Variants in HDAC9 observed in about 807,000 individuals in gnomAD.
The protein encoded by HDAC9 is histone deacetylase 9.
HDAC9 carries 41 observed loss-of-function variants against 139.4 expected under a neutral mutation model. That is an observed-to-expected ratio of 0.29 (90% CI 0.23 to 0.38). The LOEUF (loss-of-function observed/expected upper bound fraction) is 0.38. HDAC9 is among the 10% of genes least tolerant of loss of function. The pLI is 1.00. For synonymous variants in HDAC9, 517 were observed against 476.2 expected (o/e 1.09, Z -1.12); for missense variants, 1,147 against 1,297.0 (o/e 0.88, Z 1.78).
intron 21 of HDAC9, among the ~76,000 whole-genome samples, chr7:18,837,717 C>G (rs576718104): frequency 1.3e-5 from 2 of 151,958 alleles, no homozygotes; most frequent in African/African-American, 4.8e-5. Context: ...CTTTGTTTTC[C>G]CATCACAAAG....
chr7:18,809,604 G>T (rs1000485614), intron 17 of HDAC9, among the ~76,000 whole-genome samples: 5 of 151,862 alleles, frequency 3.3e-5, no homozygotes, highest in Non-Finnish European at 5.9e-5. Context: ...CATATATCTG[G>T]CCAACAGATA....
chr7:18,820,066 T>G (rs1178852236), intron 17 of HDAC9, among the ~76,000 whole-genome samples: 5 of 152,172 alleles, frequency 3.3e-5, no homozygotes, highest in Non-Finnish European at 7.4e-5. Context: ...TATGAATATA[T>G]TCCCTTCAAA....
chr7:18,832,561 ATG>A (rs1200685222), intron 19 of HDAC9, among the ~76,000 whole-genome samples: 1 of 152,094 alleles, frequency 6.6e-6, no homozygotes, highest in Non-Finnish European at 1.5e-5. Flanking sequence ...GGGAGTTTTA[ATG>A]TTTCATTTTA....
In HDAC9 at chr7:18,828,928, T is replaced by C. The variant is rs371993767; in HGVS notation, c.2323-233T>C. The stretch of plus-strand genomic sequence containing the variant: ...GCTGCACCTCCCCAAATCCTGCCCT[T>C]CCCCCGACTCGGAGCCTTCTTTTGG... On this transcript the variant is annotated intron_variant, in intron 17 of 25. Coordinates refer to ENST00000686413, the MANE Select transcript of HDAC9 (RefSeq NM_178425.4). 5.6e-4 allele frequency among the ~76,000 whole-genome samples: 85 copies of C among 152,270 alleles called. 1 individual carries two copies. The highest frequency in any genetic ancestry group is 2.0e-3 in the African/African-American group (82 of 41,550).
At chr7:18,811,459 T>C (rs1425714868) in intron 17 of HDAC9, among the ~76,000 whole-genome samples, 1 of 151,788 alleles carries the variant, frequency 6.6e-6, no homozygotes, top group East Asian at 1.9e-4. Context: ...ACTTGTCTGA[T>C]TTTCTCTTTG....
At chr7:18,207,712 T>G (rs1791638094) in intron 2 of HDAC9, among the ~76,000 whole-genome samples, 1 of 151,820 alleles carries the variant, frequency 6.6e-6, no homozygotes, top group African/African-American at 2.4e-5. Context: ...TTAGATTTAT[T>G]TATTTATTCA....
At chr7:18,688,106 A>G (rs1243371578) in intron 12 of HDAC9, among the ~76,000 whole-genome samples, 1 of 151,834 alleles carries the variant, frequency 6.6e-6, no homozygotes, top group African/African-American at 2.4e-5. Context: ...AGCTATGTCT[A>G]TATGTGTGTG....
chr7:18,798,638 T>G (rs1793012926), intron 17 of HDAC9, among the ~76,000 whole-genome samples: 1 of 152,158 alleles, frequency 6.6e-6, no homozygotes, highest in Non-Finnish European at 1.5e-5. Flanking sequence ...CTGCATAACT[T>G]ACTTGCAAGG....
intron 2 of HDAC9, among the ~76,000 whole-genome samples, chr7:18,565,194 C>T (rs763875283): frequency 4.6e-5 from 7 of 152,056 alleles, no homozygotes; most frequent in Non-Finnish European, 8.8e-5. Flanking sequence ...CGGGGTTTCT[C>T]CACGTTGGTC....
intron 1 of HDAC9, among the ~76,000 whole-genome samples, chr7:18,418,681 A>ATTTTATGC (rs955100601): frequency 2.0e-5 from 3 of 152,116 alleles, no homozygotes; most frequent in Admixed American, 6.5e-5. Flanking sequence ...TAGTGATAAA[A>ATTTTATGC]TTTTATGCTT....
chr7:18,378,056 T>G (rs1785131824), intron 1 of HDAC9, among the ~76,000 whole-genome samples: 1 of 152,078 alleles, frequency 6.6e-6, no homozygotes, highest in South Asian at 2.1e-4. Flanking sequence ...TTTAAATAAT[T>G]AGTTAGCAAA....
intron 23 of HDAC9, among the ~76,000 whole-genome samples, chr7:18,939,133 T>G (rs1047028847): frequency 6.6e-6 from 1 of 152,224 alleles, no homozygotes; most frequent in Non-Finnish European, 1.5e-5. Flanking sequence ...CTTGTCCCTT[T>G]TGGTTGGTGG....
intron 2 of HDAC9, among the ~76,000 whole-genome samples, chr7:18,266,102 A>G (rs1358351698): frequency 6.6e-6 from 1 of 152,142 alleles, no homozygotes; most frequent in Non-Finnish European, 1.5e-5. Flanking sequence ...GTCATTTGGA[A>G]AAAATGTGTG....
At chr7:18,859,041 A>C (rs1797896493) in intron 21 of HDAC9, among the ~76,000 whole-genome samples, 1 of 152,192 alleles carries the variant, frequency 6.6e-6, no homozygotes, top group Non-Finnish European at 1.5e-5. Context: ...GGATTCAGAC[A>C]GATATGAGTT....
intron 1 of HDAC9, among the ~76,000 whole-genome samples, chr7:18,336,897 T>A (rs1166330778): frequency 6.6e-6 from 1 of 151,636 alleles, no homozygotes. Flanking sequence ...TGCCTAAGTT[T>A]GTAACTAAAA....
At chr7:18,571,129 T>C (rs187545698) in intron 2 of HDAC9, among the ~76,000 whole-genome samples, 2 of 152,394 alleles carry the variant, frequency 1.3e-5, no homozygotes, top group Non-Finnish European at 2.9e-5. Flanking sequence ...TTGGCAAGGC[T>C]TATATGAGCA....
rs532097676 is a variant in HDAC9 at position 19,000,558 on chromosome 7, G to A, written c.*4496G>A. ...ATTCCTGGCTTCGTATAATGGTTTT[G>A]TAAAATACATTAAATACAATTAAGT... On this transcript the variant is annotated 3_prime_UTR_variant, in exon 26 of 26. Transcript: ENST00000686413. 6.6e-6 allele frequency: 1 copy of A among 152,258 alleles called. No homozygotes were observed. Among genetic ancestry groups the A allele is most frequent in the East Asian group, 1.9e-4 (1 of 5,182 alleles). 9.4% of individuals were successfully genotyped at this position (152,258 alleles called of 1,614,324 possible). A position where few individuals can be genotyped will look rare whatever the true frequency, so the allele number is the denominator to read the frequency against.
chr7:18,581,293 C>T (rs1446553097), intron 2 of HDAC9, among the ~76,000 whole-genome samples: 2 of 152,086 alleles, frequency 1.3e-5, no homozygotes, highest in Admixed American at 6.5e-5. Context: ...GCCACTTTCT[C>T]TCAGTCTTGG....
At chr7:18,908,106 A>C (rs1202940725) in intron 22 of HDAC9, among the ~76,000 whole-genome samples, 1 of 152,078 alleles carries the variant, frequency 6.6e-6, no homozygotes, top group Non-Finnish European at 1.5e-5. Context: ...TGAGACATGA[A>C]ATGTCTCAAA....
Sources: allele counts gnomAD v4.1 joint callset (sites outside exome capture counted in the v4.1 genomes callset), GRCh38; gene constraint gnomAD v4.1.1; transcripts MANE v1.5; gene names NCBI Gene and HGNC (gene_info 2026-07-23, HGNC 2026-07-21).